Variants in MIPOL1 observed in about 807,000 individuals in gnomAD.
MIPOL1 encodes mirror-image polydactyly gene 1 protein.
In MIPOL1, 57 loss-of-function variants were observed where a neutral mutation model predicts 60.9. The observed-to-expected ratio is 0.94, with a 90% CI of 0.76 to 1.17. The LOEUF (loss-of-function observed/expected upper bound fraction) is 1.17, where lower values mean the gene tolerates loss of function less well. Ranked by LOEUF, MIPOL1 falls within the 50% of genes most tolerant of loss-of-function variation. The pLI is 0.00. For missense variants in MIPOL1, 551 were observed against 511.6 expected (o/e 1.08, Z -0.74); for synonymous variants, 179 against 168.8 (o/e 1.06, Z -0.47).
chr14:37,397,384 T>TGGGGGGGGG (rs2093393272), intron 10 of MIPOL1, among the ~76,000 whole-genome samples: 8 of 142,468 alleles, frequency 5.6e-5, no homozygotes, highest in South Asian at 2.3e-4. Flanking sequence ...GTGGTGGGAG[T>TGGGGGGGGG]GGGGAGGGGG....
intron 6 of MIPOL1, among the ~76,000 whole-genome samples, chr14:37,279,917 T>A (rs1419987027): frequency 6.6e-6 from 1 of 152,142 alleles, no homozygotes; most frequent in Non-Finnish European, 1.5e-5. Context: ...AATTGTATTT[T>A]TTGACCAATA....
intron 10 of MIPOL1, among the ~76,000 whole-genome samples, chr14:37,412,803 G>T (rs778892753): frequency 1.3e-5 from 2 of 152,012 alleles, no homozygotes. Context: ...ATACTTCAAT[G>T]AAACATTCAT....
chr14:37,436,159 TA>T lies in MIPOL1; in HGVS notation c.1031+13218del, dbSNP rs551716630. 2.6e-5 allele frequency among the ~76,000 whole-genome samples: 4 copies of T among 152,010 alleles called. 1 individual carries two copies. Among genetic ancestry groups the T allele is most frequent in the African/African-American group, 7.2e-5 (3 of 41,490 alleles). On this transcript the variant is annotated intron_variant, in intron 11 of 12. Transcript: ENST00000684589. ...AGTTTTTAAAAGTAAAATAAGATGT[TA>T]AAAAAAATACTACCAACTTTAAAAG...
intron 12 of MIPOL1, among the ~76,000 whole-genome samples, chr14:37,537,853 C>T (rs1297506220): frequency 6.6e-6 from 1 of 152,154 alleles, no homozygotes. Context: ...ATAATATCAA[C>T]TTCAACAAGA....
At chr14:37,296,682 C>T (rs1200035192) in intron 7 of MIPOL1, among the ~76,000 whole-genome samples, 2 of 152,058 alleles carry the variant, frequency 1.3e-5, no homozygotes, top group Non-Finnish European at 2.9e-5. Flanking sequence ...AACACCTCTA[C>T]ACAAATAAAC....
rs542376029 is a variant in MIPOL1 at position 37,371,488 on chromosome 14, G to T, written c.936+1864G>T. Among the ~76,000 whole-genome samples, 460 of 148,272 alleles carry T rather than the reference G, an allele frequency of 3.1e-3. 3 individuals carry two copies. The highest frequency in any genetic ancestry group is 9.7e-3 in the African/African-American group (391 of 40,356). On this transcript the variant is annotated intron_variant, in intron 10 of 12. Transcript: ENST00000684589. ...CTTTTCTAGTTGCTCATTTTTTTTT[G>T]CAAAAGTCTGAAATTTTTCTGTTGT... is the stretch of plus-strand genomic sequence containing the variant.
chr14:37,511,105 T>C (rs2095324561), intron 12 of MIPOL1, among the ~76,000 whole-genome samples: 1 of 152,218 alleles, frequency 6.6e-6, no homozygotes, highest in Admixed American at 6.5e-5. Flanking sequence ...TAATATTTTC[T>C]GAAATATTTC....
At chr14:37,380,459 A>T (rs1239434299) in intron 10 of MIPOL1, among the ~76,000 whole-genome samples, 2 of 152,146 alleles carry the variant, frequency 1.3e-5, no homozygotes, top group Non-Finnish European at 2.9e-5. Context: ...TTATAACACC[A>T]GGTATAGTCA....
chr14:37,490,428 C>T (rs1228334830), intron 11 of MIPOL1, among the ~76,000 whole-genome samples: 1 of 152,198 alleles, frequency 6.6e-6, no homozygotes, highest in Non-Finnish European at 1.5e-5. Flanking sequence ...ACTTGGCTCC[C>T]TGGCTTCAGC....
At chr14:37,406,127 A>G (rs1191457432) in intron 10 of MIPOL1, among the ~76,000 whole-genome samples, 2 of 152,118 alleles carry the variant, frequency 1.3e-5, no homozygotes, top group African/African-American at 4.8e-5. Flanking sequence ...TTATTTGAGT[A>G]TCCAGCAAGT....
intron 11 of MIPOL1, among the ~76,000 whole-genome samples, chr14:37,473,351 C>G (rs1477355342): frequency 2.6e-5 from 4 of 152,064 alleles, no homozygotes; most frequent in Admixed American, 2.6e-4. Flanking sequence ...GAACTGTGAG[C>G]CAAATAAACC....
intron 9 of MIPOL1, among the ~76,000 whole-genome samples, chr14:37,364,617 T>G (rs910259710): frequency 2.0e-5 from 3 of 152,222 alleles, no homozygotes; most frequent in Non-Finnish European, 4.4e-5. Context: ...ACTGTTTTGT[T>G]TACTCTGTCT....
At chr14:37,291,352 A>G (rs1467077681) in intron 7 of MIPOL1, among the ~76,000 whole-genome samples, 3 of 152,182 alleles carry the variant, frequency 2.0e-5, no homozygotes, top group Non-Finnish European at 4.4e-5. Context: ...CTGCTTTTGC[A>G]TTGACTGTGA....
chr14:37,503,822 AAG>A (rs2095248871), intron 12 of MIPOL1: 1 of 152,230 alleles, frequency 6.6e-6, no homozygotes, highest in Admixed American at 6.5e-5. Context: ...AAATTGGATA[AAG>A]AGTCAAGACC....
At chr14:37,308,629 AGCAC>A in intron 9 of MIPOL1, 110 bp downstream of exon 9, 2 of 671,968 alleles carry the variant, frequency 3.0e-6, no homozygotes, top group Non-Finnish European at 4.6e-6. Flanking sequence ...ATTAATTTTT[AGCAC>A]ATAATTAATA....
intron 9 of MIPOL1, among the ~76,000 whole-genome samples, chr14:37,344,962 C>T (rs1258955301): frequency 5.6e-5 from 8 of 143,348 alleles, no homozygotes; most frequent in East Asian, 2.0e-4. Context: ...CCCAGGAGTA[C>T]GAGGCTGCAG....
intron 1 of MIPOL1, among the ~76,000 whole-genome samples, chr14:37,214,731 T>C (rs1967297483): frequency 6.6e-6 from 1 of 152,146 alleles, no homozygotes; most frequent in Non-Finnish European, 1.5e-5. Flanking sequence ...GAGCCCTCTG[T>C]CACGCCTGGA....
At chr14:37,285,782 T>TG (rs1194238912) in intron 7 of MIPOL1, among the ~76,000 whole-genome samples, 3 of 151,792 alleles carry the variant, frequency 2.0e-5, no homozygotes, top group Non-Finnish European at 2.9e-5. Flanking sequence ...TTAGTAGAGA[T>TG]GGGGTTTCAC....
intron 12 of MIPOL1, among the ~76,000 whole-genome samples, chr14:37,511,392 G>C (rs2095326728): frequency 6.6e-6 from 1 of 152,148 alleles, no homozygotes; most frequent in Admixed American, 6.5e-5. Flanking sequence ...AATGTGCTTG[G>C]TTTTGGACAG....
Sources: allele counts gnomAD v4.1 joint callset (sites outside exome capture counted in the v4.1 genomes callset), GRCh38; gene constraint gnomAD v4.1.1; transcripts MANE v1.5; gene names NCBI Gene and HGNC (gene_info 2026-07-23, HGNC 2026-07-21).